SARDH: variants seen among roughly 807,000 people sequenced by gnomAD.
The protein encoded by SARDH is sarcosine dehydrogenase.
Under a neutral mutation model 109.1 loss-of-function variants are expected in SARDH, and 95 were observed. The observed-to-expected ratio is 0.87, with a 90% CI of 0.74 to 1.03. SARDH has a LOEUF of 1.03. Among genes scored for constraint, SARDH ranks in the 50% least tolerant of loss-of-function variants. The pLI is 0.00. For missense variants in SARDH, 1,267 were observed against 1,287.8 expected, an observed-to-expected ratio of 0.98 and a Z score of 0.25; for synonymous variants, 572 against 534.8, an observed-to-expected ratio of 1.07 and a Z score of -0.96.
intron 14 of SARDH, among the ~76,000 whole-genome samples, chr9:133,695,424 C>A (rs1421404305): frequency 7.9e-5 from 12 of 152,180 alleles, no homozygotes; most frequent in African/African-American, 2.9e-4. Flanking sequence ...GCCTGAGCGA[C>A]AGAGCGAGAC....
chr9:133,683,482 C>T (rs1830771756), intron 17 of SARDH, among the ~76,000 whole-genome samples: 1 of 152,246 alleles, frequency 6.6e-6, no homozygotes, highest in African/African-American at 2.4e-5. Context: ...TGGACCCCGG[C>T]CTGCTGGAGC....
intron 15 of SARDH, among the ~76,000 whole-genome samples, chr9:133,691,168 C>CAACACA (rs1213042627): frequency 8.8e-4 from 85 of 96,604 alleles, no homozygotes; most frequent in African/African-American, 3.4e-3. Flanking sequence ...TCACCTCCCC[C>CAACACA]AACACACACA....
chr9:133,700,155 C>T (rs562875290), intron 13 of SARDH, among the ~76,000 whole-genome samples: 6 of 152,138 alleles, frequency 3.9e-5, no homozygotes, highest in East Asian at 3.9e-4. Context: ...GGTGAAATCC[C>T]GTCTCTATTA....
intron 13 of SARDH, among the ~76,000 whole-genome samples, 194 bp downstream of exon 13, chr9:133,702,722 C>G (rs1470746567): frequency 2.0e-5 from 3 of 149,774 alleles, no homozygotes; most frequent in Non-Finnish European, 4.5e-5. Context: ...AATCTCGGCA[C>G]AGAGGGAGGA....
Position 133,718,885 on chromosome 9 carries a change from G to A in SARDH, c.1020+53C>T. 1 of 1,369,968 alleles carries A rather than the reference G, an allele frequency of 7.3e-7. No individual in the cohort carries two copies. Among genetic ancestry groups the A allele is most frequent in the Admixed American group, 1.7e-5 (1 of 59,550 alleles). The allele number at this position is 1,369,968 out of a possible 1,614,324, so 84.9% of individuals were successfully genotyped here. On this transcript the variant is annotated intron_variant, in intron 7 of 20. Transcript: ENST00000439388. The surrounding 1 kb of genome is among the most constrained non-coding windows in gnomAD (Gnocchi z 4.2). ...ACTTCCTGAAAGAGGCCCTCTCCATGCTGAGATGCAGCCCCAACTCCCTCC... is the reference window on the plus strand; with the variant it reads ...ACTTCCTGAAAGAGGCCCTCTCCATACTGAGATGCAGCCCCAACTCCCTCC...
intron 11 of SARDH, among the ~76,000 whole-genome samples, chr9:133,707,930 T>C (rs9409848): frequency 0.46 from 69,157 of 151,838 alleles, 15,872 homozygotes; most frequent in South Asian, 0.55. Context: ...CTGGCTGCTC[T>C]CCCAATACGT....
chr9:133,674,443 C>T (rs556975443), intron 17 of SARDH, among the ~76,000 whole-genome samples: 2 of 152,238 alleles, frequency 1.3e-5, no homozygotes, highest in Non-Finnish European at 2.9e-5. Flanking sequence ...TGGATGGAGT[C>T]ACAGAATTAT....
At chr9:133,687,653 A>G (rs1830933396) in intron 16 of SARDH, among the ~76,000 whole-genome samples, 2 of 152,092 alleles carry the variant, frequency 1.3e-5, no homozygotes, top group Non-Finnish European at 2.9e-5. Flanking sequence ...GCCACATTTC[A>G]AAGGCTCAGT....
At chr9:133,673,970 T>C (rs1205061550) in intron 17 of SARDH, among the ~76,000 whole-genome samples, 4 of 152,116 alleles carry the variant, frequency 2.6e-5, no homozygotes, top group South Asian at 2.1e-4. Flanking sequence ...TGGGTCTCCA[T>C]TGTACGCCGT....
intron 20 of SARDH, among the ~76,000 whole-genome samples, chr9:133,665,634 C>T (rs765564153): frequency 5.9e-5 from 9 of 152,234 alleles, no homozygotes; most frequent in African/African-American, 1.2e-4. Context: ...CCAGCTCCAC[C>T]GCCGGACTCA....
chr9:133,666,761 A>G lies in SARDH; in HGVS notation c.2605T>C (p.Tyr869His). 1 of 1,599,352 alleles carries G rather than the reference A, an allele frequency of 6.3e-7. No homozygotes were observed. Among genetic ancestry groups the G allele is most frequent in the Non-Finnish European group, 8.5e-7 (1 of 1,173,264 alleles). The change falls in exon 20 of 21, where the codon TAC (tyrosine) becomes CAC (histidine). Residue 869 changes from tyrosine (Y) to histidine (H), a missense_variant. By Grantham distance (83) the Tyr-to-His change is moderately conservative (BLOSUM62 2). Transcript: ENST00000439388. This position sits in a 1 kb window ranked among gnomAD's most constrained non-coding sequence, Gnocchi z 5.2. ...GGCCCACCGCTGGGGTCATGGATGT[A>G]ACCGTAGGCGATGGTCTTGTCGATG... ...FAIDKTIAYG[Y>H]IHDPSGGPVS...
rs1362009342 is a variant in SARDH at position 133,712,824 on chromosome 9, A to T, written c.1238-115T>A. The T allele has an allele frequency of 1.9e-6, 2 of 1,064,916 alleles. No homozygotes were observed. Among genetic ancestry groups the T allele is most frequent in the Non-Finnish European group, 2.8e-6 (2 of 726,340 alleles). The allele number at this position is 1,064,916 out of a possible 1,614,324, so 66.0% of individuals were successfully genotyped here. ...CAGACACTCCAAGCTCTGCTCTCAC[A>T]CCTGGGGTGCTGCACGCCTCCTGAT... On this transcript the variant is annotated intron_variant, in intron 9 of 20. Transcript: ENST00000439388. This position sits in a 1 kb window ranked among gnomAD's most constrained non-coding sequence, Gnocchi z 4.1.
At chr9:133,714,602 G>A (rs1466252378) in intron 8 of SARDH, among the ~76,000 whole-genome samples, 3 of 152,172 alleles carry the variant, frequency 2.0e-5, no homozygotes, top group Non-Finnish European at 4.4e-5. Flanking sequence ...AACATAGCGA[G>A]ACGGCATCTC....
rs762590871 is a variant in SARDH, at chr9:133,694,267, C to T, written c.1912G>A (p.Ala638Thr). The T allele has an allele frequency of 1.6e-5, 25 of 1,548,352 alleles. No homozygotes were observed. The highest frequency in any genetic ancestry group is 8.2e-5 in the African/African-American group (6 of 73,112). The part of the protein sequence containing the change: ...PSHQASPLAP[A>T]FEGDGYYLAM... Reference sequence around the variant, plus strand: ...CAGAGGCATCCCATACCTTCAAAGGCGGGGGCCAGCGGGGAGGCCTGGTGG... The same window carrying T: ...CAGAGGCATCCCATACCTTCAAAGGTGGGGGCCAGCGGGGAGGCCTGGTGG... Residue 638 changes from alanine to threonine, a missense_variant, in exon 15 of 21, where the codon GCC becomes ACC. Physicochemically the swap from Ala to Thr is moderately conservative, Grantham distance 58 (BLOSUM62 0). Transcript: ENST00000439388.
chr9:133,716,686 TG>T (rs750971969), intron 8 of SARDH, among the ~76,000 whole-genome samples: 38 of 152,354 alleles, frequency 2.5e-4, no homozygotes, highest in Non-Finnish European at 4.7e-4. Context: ...CCCACCTTTT[TG>T]CTCCAGCCTC....
At chr9:133,676,374 G>A (rs1323923202) in intron 17 of SARDH, among the ~76,000 whole-genome samples, 1 of 152,194 alleles carries the variant, frequency 6.6e-6, no homozygotes, top group African/African-American at 2.4e-5. Flanking sequence ...AAAGGGAATT[G>A]CCTCAATGGG....
intron 11 of SARDH, among the ~76,000 whole-genome samples, chr9:133,708,058 A>G (rs1003993916): frequency 1.3e-5 from 2 of 152,120 alleles, no homozygotes; most frequent in African/African-American, 4.8e-5. Flanking sequence ...CTACAACAGA[A>G]GCCCCCGGGT....
intron 8 of SARDH, among the ~76,000 whole-genome samples, chr9:133,713,862 G>A (rs1258323817): frequency 6.6e-6 from 1 of 152,236 alleles, no homozygotes; most frequent in Non-Finnish European, 1.5e-5. Context: ...ACAGAGCTGT[G>A]CGCTCGCCAG....
downstream of SARDH, among the ~76,000 whole-genome samples, chr9:133,662,097 G>A (rs987373691): frequency 1.8e-4 from 28 of 151,994 alleles, no homozygotes; most frequent in African/African-American, 5.1e-4. The surrounding 1 kb of genome is among the most constrained non-coding windows in gnomAD (Gnocchi z 5.1). Context: ...TGCCCTCCCC[G>A]AGGGGCCAGG....
Sources: gnomAD v4.1 joint callset for allele counts (sites outside exome capture counted in the v4.1 genomes callset) on GRCh38, gnomAD v4.1.1 for gene constraint, Gnocchi (gnomAD v3.1) non-coding constraint, MANE v1.5 for transcripts, NCBI Gene and HGNC (gene_info 2026-07-23, HGNC 2026-07-21) for gene names.